RGS22: variants seen among roughly 807,000 people sequenced by gnomAD.
RGS22 encodes regulator of G protein signaling 22.
In RGS22, 148 loss-of-function variants were observed where a neutral mutation model predicts 172.9. That is an observed-to-expected ratio of 0.86 (90% CI 0.75 to 0.98). The LOEUF is 0.98. Among genes scored for constraint, RGS22 ranks in the 50% least tolerant of loss-of-function variants. The pLI is 0.00. For missense variants in RGS22, 1,347 were observed against 1,440.8 expected (o/e 0.93, Z 1.05); for synonymous variants, 458 against 480.2 (o/e 0.95, Z 0.60).
intron 21 of RGS22, among the ~76,000 whole-genome samples, chr8:99,982,890 G>C (rs1187935456): frequency 6.6e-6 from 1 of 152,086 alleles, no homozygotes; most frequent in Non-Finnish European, 1.5e-5. Context: ...GCTGAGGTTT[G>C]GGGTACAGAT....
Position 99,992,684 on chromosome 8 carries a change from C to T in RGS22, c.3018+3778G>A, listed in dbSNP as rs186549530. Among the ~76,000 whole-genome samples the T allele has an allele frequency of 4.2e-3, 643 of 152,186 alleles. 5 individuals carry two copies. The highest frequency in any genetic ancestry group is 0.014 in the African/African-American group (597 of 41,508). On this transcript the variant is annotated intron_variant, in intron 20 of 27. Transcript: ENST00000360863. ...ATAATAATGGGAGACTTTAACACCC[C>T]GCTATGAATATTAGAGAGGTCAATG...
chr8:100,024,940 A>T (rs1401767174), intron 14 of RGS22, among the ~76,000 whole-genome samples: 1 of 152,108 alleles, frequency 6.6e-6, no homozygotes, highest in East Asian at 1.9e-4. Flanking sequence ...TATAATAGAT[A>T]ATGGTGTTTC....
At chr8:100,043,799 C>CA (rs958521825) in intron 11 of RGS22, among the ~76,000 whole-genome samples, 3 of 150,236 alleles carry the variant, frequency 2.0e-5, no homozygotes, top group East Asian at 3.9e-4. Context: ...CAAAACAAAA[C>CA]AAAAAAAACC....
chr8:99,982,203 T>C lies in RGS22; in HGVS notation c.3181-87A>G, dbSNP rs373210045. On this transcript the variant is annotated intron_variant, in intron 21 of 27. Transcript: ENST00000360863. ...CTGTATCAATATGTGTTTCAATTAA[T>C]ATATGCATTTCAACTTTAGGTCAAG... The C allele has an allele frequency of 4.7e-4, 481 of 1,031,890 alleles. No homozygotes were observed. The African/African-American group carries it at 7.0e-3, about 15-fold the overall frequency. The allele number at this position is 1,031,890 out of a possible 1,614,324, so 63.9% of individuals were successfully genotyped here.
At chr8:100,062,778 T>G in intron 8 of RGS22, 26 bp from the exon 9 acceptor site, 1 of 1,552,052 alleles carries the variant, frequency 6.4e-7, no homozygotes, top group Non-Finnish European at 8.8e-7. Context: ...TTTCCATATA[T>G]ACACACACAC....
In RGS22 at chr8:99,985,420, G is replaced by A. The variant is rs1037696575; in HGVS notation, c.3180+2038C>T. Among the ~76,000 whole-genome samples, 27 of 152,142 alleles carry A rather than the reference G, an allele frequency of 1.8e-4. 1 individual carries two copies. The highest frequency in any genetic ancestry group is 6.0e-4 in the African/African-American group (25 of 41,422). ...AACTCCCTCATGGCCCAATGCAAGTGTCATCACTCTTGCTGAGACCTCCCT... is the reference window on the plus strand; with the variant it reads ...AACTCCCTCATGGCCCAATGCAAGTATCATCACTCTTGCTGAGACCTCCCT... On this transcript the variant is annotated intron_variant, in intron 21 of 27. Transcript: ENST00000360863.
At chr8:99,975,347 A>G (rs1000390107) in intron 23 of RGS22, among the ~76,000 whole-genome samples, 2 of 152,152 alleles carry the variant, frequency 1.3e-5, no homozygotes, top group South Asian at 4.1e-4. Flanking sequence ...TCTTATTACT[A>G]ATAATCCTTA....
At chr8:100,091,898 A>G (rs536622821) in intron 3 of RGS22, 1 of 152,320 alleles carries the variant, frequency 6.6e-6, no homozygotes, top group East Asian at 1.9e-4. Context: ...CTCCTTGAAT[A>G]TCCTGTGGTG....
At chr8:100,097,335 T>C (rs977260886) in intron 2 of RGS22, among the ~76,000 whole-genome samples, 1 of 152,228 alleles carries the variant, frequency 6.6e-6, no homozygotes, top group Non-Finnish European at 1.5e-5. Flanking sequence ...AAAAGAATCA[T>C]AAACTAATAT....
intron 14 of RGS22, among the ~76,000 whole-genome samples, chr8:100,031,309 T>G (rs371817221): frequency 1.3e-5 from 2 of 152,260 alleles, no homozygotes; most frequent in African/African-American, 4.8e-5. Context: ...TAGCCTCTGA[T>G]CTAGGTGATA....
At chr8:99,969,042 G>A (rs1026931900) in intron 23 of RGS22, among the ~76,000 whole-genome samples, 2 of 152,044 alleles carry the variant, frequency 1.3e-5, no homozygotes, top group Non-Finnish European at 2.9e-5. Context: ...CGGATCTCTC[G>A]GCAGAAACCC....
At chr8:100,001,834 C>T (rs1269336758) in intron 18 of RGS22, among the ~76,000 whole-genome samples, 1 of 152,146 alleles carries the variant, frequency 6.6e-6, no homozygotes, top group Non-Finnish European at 1.5e-5. Flanking sequence ...CAGCTGTTTT[C>T]CTACATGTTG....
At chr8:99,968,195 A>G (rs896300033) in intron 23 of RGS22, among the ~76,000 whole-genome samples, 1 of 152,154 alleles carries the variant, frequency 6.6e-6, no homozygotes, top group Non-Finnish European at 1.5e-5. Flanking sequence ...ACATCAACAA[A>G]AAGGGCACCC....
At chr8:100,055,554 T>C (rs1822153343) in intron 9 of RGS22, among the ~76,000 whole-genome samples, 1 of 152,200 alleles carries the variant, frequency 6.6e-6, no homozygotes, top group Admixed American at 6.5e-5. Context: ...CTACAATATC[T>C]ACCTCATATG....
At chr8:100,010,865 A>G (rs1338065956) in intron 14 of RGS22, among the ~76,000 whole-genome samples, 2 of 151,258 alleles carry the variant, frequency 1.3e-5, no homozygotes, top group Non-Finnish European at 2.9e-5. Flanking sequence ...GCTAATCTCG[A>G]ACTCCTGGGC....
chr8:99,965,788 A>G (rs1311948614), intron 23 of RGS22, among the ~76,000 whole-genome samples: 1 of 152,118 alleles, frequency 6.6e-6, no homozygotes, highest in Non-Finnish European at 1.5e-5. Flanking sequence ...TTTATATTTT[A>G]TTATATAAAT....
intron 3 of RGS22, chr8:100,080,584 C>T: frequency 2.2e-6 from 1 of 464,282 alleles, no homozygotes. Context: ...TCAGGGTATG[C>T]TATGGCAGAA....
At chr8:100,105,484 G>T in intron 1 of RGS22, 82 bp from the exon 2 acceptor site, 4 of 1,162,466 alleles carry the variant, frequency 3.4e-6, no homozygotes, top group Non-Finnish European at 5.2e-6. Flanking sequence ...ACAGCACCTA[G>T]CCCTACGTTA....
chr8:99,961,169 T>C lies in RGS22; in HGVS notation c.*73A>G, dbSNP rs780698148. On this transcript the variant is annotated 3_prime_UTR_variant, in exon 28 of 28. Coordinates refer to ENST00000360863, the MANE Select transcript of RGS22 (RefSeq NM_015668.5). ...AAAAACAAATCACTGGAGCTTCTCATGTCAGCAGAATCTGGTTTAAAGAAT... is the reference window on the plus strand; with the variant it reads ...AAAAACAAATCACTGGAGCTTCTCACGTCAGCAGAATCTGGTTTAAAGAAT... 59 of 453,406 alleles carry C rather than the reference T, an allele frequency of 1.3e-4. No individual in the cohort carries two copies. The highest frequency in any genetic ancestry group is 1.2e-3 in the African/African-American group (58 of 50,144). The allele number at this position is 453,406 out of a possible 1,614,324, so 28.1% of individuals were successfully genotyped here.
Sources: gnomAD v4.1 joint callset for allele counts (sites outside exome capture counted in the v4.1 genomes callset) on GRCh38, gnomAD v4.1.1 for gene constraint, MANE v1.5 for transcripts, NCBI Gene and HGNC (gene_info 2026-07-23, HGNC 2026-07-21) for gene names.